The following MAS1 variants were observed in gnomAD, a reference collection of about 807,000 sequenced individuals.
MAS1 encodes the protein proto-oncogene Mas.
For missense variants in MAS1, 387 were observed against 409.7 expected (o/e 0.94, Z 0.48); for synonymous variants, 163 against 164.2 (o/e 0.99, Z 0.05).
chr6:159,890,461 C>T (rs1007165655), upstream of MAS1, among the ~76,000 whole-genome samples: 5 of 152,186 alleles, frequency 3.3e-5, no homozygotes, highest in Non-Finnish European at 5.9e-5. Flanking sequence ...GGCTTGCTTG[C>T]TTTTCATAGC....
Position 159,906,390 on chromosome 6 carries a change from C to T in MAS1, c.-36-530C>T, listed in dbSNP as rs533239491. On this transcript the variant is annotated intron_variant, in intron 2 of 2. Coordinates refer to ENST00000674077, the MANE Select transcript of MAS1 (RefSeq NM_002377.4). ...AGCAATATTGGTACAATATTAAACC[C>T]ATTGTCCCAGGCACTCCCTCTCCTT... 2.0e-5 allele frequency among the ~76,000 whole-genome samples: 3 copies of T among 152,336 alleles called. No homozygotes were observed. In the East Asian group the frequency reaches 5.8e-4, roughly 29 times the overall value.
intron 1 of MAS1, among the ~76,000 whole-genome samples, chr6:159,897,428 C>T (rs531689412): frequency 1.7e-4 from 26 of 152,250 alleles, no homozygotes; most frequent in African/African-American, 6.3e-4. Flanking sequence ...GTGATGTTAT[C>T]CCTAGGAGTA....
chr6:159,909,195 C>T lies in MAS1; in HGVS notation c.*1262C>T, dbSNP rs375757354. The T allele has an allele frequency of 6.2e-4, 94 of 152,238 alleles. No homozygotes were observed. The highest frequency in any genetic ancestry group is 2.0e-3 in the African/African-American group (85 of 41,524). 9.4% of individuals were successfully genotyped at this position (152,238 alleles called of 1,614,324 possible). On this transcript the variant is annotated 3_prime_UTR_variant, in exon 3 of 3. Transcript: ENST00000674077. ...CGTCCTGGGTTTTAGCTGTGAAGCCCGTCGCATAGCTATGTTTATTTCCTT... is the reference window on the plus strand; with the variant it reads ...CGTCCTGGGTTTTAGCTGTGAAGCCTGTCGCATAGCTATGTTTATTTCCTT...
At position 159,906,901 on chromosome 6, in the gene MAS1, G is replaced by A. The variant is rs1583214809; in HGVS notation, c.-36-19G>A. 1 of 1,508,030 alleles carries A rather than the reference G, an allele frequency of 6.6e-7. No individual in the cohort carries two copies. Among genetic ancestry groups the A allele is most frequent in the Admixed American group, 2.2e-5 (1 of 46,216 alleles). 93.4% of individuals were successfully genotyped at this position (1,508,030 alleles called of 1,614,324 possible). A position where few individuals can be genotyped will look rare whatever the true frequency, so the allele number is the denominator to read the frequency against. On this transcript the variant is annotated intron_variant, in intron 2 of 2. Transcript: ENST00000674077. ...TTTCATGGCTTTTTGTGTTTGTTTT[G>A]TTCTGGACATATTTACAGAAAATTA...
chr6:159,889,730 A>G (rs906747051), upstream of MAS1, among the ~76,000 whole-genome samples: 1 of 152,076 alleles, frequency 6.6e-6, no homozygotes, highest in African/African-American at 2.4e-5. Context: ...TTCCAACTTC[A>G]AGACCGAGTT....
chr6:159,898,955 G>A (rs1782793316), intron 1 of MAS1, among the ~76,000 whole-genome samples: 1 of 152,158 alleles, frequency 6.6e-6, no homozygotes, highest in African/African-American at 2.4e-5. Context: ...CAGACACACT[G>A]GAGCAAAGGC....
Position 159,908,041 on chromosome 6 carries a change from C to G in MAS1, c.*108C>G, listed in dbSNP as rs1466672222. On this transcript the variant is annotated 3_prime_UTR_variant, in exon 3 of 3. Transcript: ENST00000674077. The stretch of plus-strand genomic sequence containing the variant: ...CTAAATGTGATACAGAAGAACATCT[C>G]ATCCCATATGCATGAGATACTAATT... 6.4e-6 allele frequency: 8 copies of G among 1,242,904 alleles called. No homozygotes were observed. The highest frequency in any genetic ancestry group is 2.4e-4 in the Middle Eastern group (1 of 4,158). 77.0% of individuals were successfully genotyped at this position (1,242,904 alleles called of 1,614,324 possible). A position where few individuals can be genotyped will look rare whatever the true frequency, so the allele number is the denominator to read the frequency against.
intron 1 of MAS1, among the ~76,000 whole-genome samples, chr6:159,897,199 A>G (rs1782764394): frequency 6.6e-6 from 1 of 151,906 alleles, no homozygotes; most frequent in African/African-American, 2.4e-5. Flanking sequence ...TTTTAAGGAT[A>G]ATTTGGTGTG....
intron 2 of MAS1, among the ~76,000 whole-genome samples, chr6:159,904,480 A>G (rs1782859381): frequency 1.3e-5 from 2 of 152,170 alleles, no homozygotes; most frequent in Admixed American, 6.5e-5. Context: ...CACAACACGT[A>G]TCTCTTCCGT....
intron 2 of MAS1, among the ~76,000 whole-genome samples, chr6:159,904,543 C>G (rs1782861682): frequency 6.6e-6 from 1 of 152,188 alleles, no homozygotes; most frequent in Non-Finnish European, 1.5e-5. Flanking sequence ...CTGCCACAAC[C>G]TGATTTATGC....
rs1165785188 is a variant in MAS1 at position 159,917,192 on chromosome 6, A to G, written c.*9259A>G. Reference sequence around the variant, plus strand: ...TTTCCTGGTGGATTTAACTTTGCAGAAGGACCAGCAGACATCCTGACCCAA... The same window carrying G: ...TTTCCTGGTGGATTTAACTTTGCAGGAGGACCAGCAGACATCCTGACCCAA... On this transcript the variant is annotated 3_prime_UTR_variant, in exon 3 of 3. Coordinates refer to ENST00000674077, the MANE Select transcript of MAS1 (RefSeq NM_002377.4). 6.6e-6 allele frequency among the ~76,000 whole-genome samples: 1 copy of G among 152,162 alleles called. No homozygotes were observed. The highest frequency in any genetic ancestry group is 1.5e-5 in the Non-Finnish European group (1 of 68,034).
chr6:159,896,086 A>AT (rs761639323), intron 1 of MAS1, among the ~76,000 whole-genome samples: 11 of 152,258 alleles, frequency 7.2e-5, no homozygotes, highest in Non-Finnish European at 1.5e-4. Context: ...AGACAGGAGA[A>AT]TCAGTTGAGT....
rs549158090 is a variant in MAS1, at chr6:159,906,970, C to T, written c.15C>T (p.Asn5=). Residue 5 remains asparagine (N), a synonymous_variant, in exon 3 of 3, where the codon AAC becomes AAT. Coordinates refer to ENST00000674077, the MANE Select transcript of MAS1 (RefSeq NM_002377.4). MDGS[N]VTSFVVEEPT... ...GAGGCCTCCTCATGGATGGGTCAAA[C>T]GTGACATCATTTGTTGTTGAGGAAC... The T allele has an allele frequency of 1.1e-5, 18 of 1,605,668 alleles. No individual in the cohort carries two copies. The highest frequency in any genetic ancestry group is 5.5e-5 in the South Asian group (5 of 90,826).
At chr6:159,897,345 A>T (rs1458748813) in intron 1 of MAS1, among the ~76,000 whole-genome samples, 1 of 152,142 alleles carries the variant, frequency 6.6e-6, no homozygotes, top group African/African-American at 2.4e-5. Flanking sequence ...TATCTGTCTG[A>T]GTGGCACCAG....
In MAS1 at chr6:159,913,070, A is replaced by G. The variant is rs1782983209; in HGVS notation, c.*5137A>G. ...CAGCAAAAGTAACCATTAAGTAAAGACAGAAAAATTGGCTGGGTACGGTGG... is the reference window on the plus strand; with the variant it reads ...CAGCAAAAGTAACCATTAAGTAAAGGCAGAAAAATTGGCTGGGTACGGTGG... On this transcript the variant is annotated 3_prime_UTR_variant, in exon 3 of 3. Transcript: ENST00000674077. 6.6e-6 allele frequency: 1 copy of G among 152,212 alleles called. No homozygotes were observed. Among genetic ancestry groups the G allele is most frequent in the African/African-American group, 2.4e-5 (1 of 41,450 alleles). The allele number at this position is 152,212 out of a possible 1,614,324, so 9.4% of individuals were successfully genotyped here.
intron 2 of MAS1, among the ~76,000 whole-genome samples, chr6:159,902,901 C>T (rs756193046): frequency 7.9e-5 from 12 of 152,180 alleles, no homozygotes; most frequent in Non-Finnish European, 1.6e-4. Flanking sequence ...CACTATTTCT[C>T]AGCGATTTCA....
At chr6:159,898,643 C>T (rs1562309967) in intron 1 of MAS1, among the ~76,000 whole-genome samples, 1 of 5,072 alleles carries the variant, frequency 2.0e-4, no homozygotes, top group Non-Finnish European at 4.0e-4. Context: ...CTTCCTCCTC[C>T]CTCTTCCTCC....
chr6:159,905,542 C>A (rs1339722479), intron 2 of MAS1, among the ~76,000 whole-genome samples: 1 of 152,154 alleles, frequency 6.6e-6, no homozygotes, highest in Non-Finnish European at 1.5e-5. Flanking sequence ...TTCACCAACC[C>A]AAAGGCTACC....
chr6:159,897,121 G>A (rs554401604), intron 1 of MAS1, among the ~76,000 whole-genome samples: 14 of 152,216 alleles, frequency 9.2e-5, no homozygotes, highest in South Asian at 4.1e-4. Context: ...TGATCCGCCC[G>A]CCTCGGCCTC....
Sources: allele counts gnomAD v4.1 joint callset (sites outside exome capture counted in the v4.1 genomes callset), GRCh38; gene constraint gnomAD v4.1.1; transcripts MANE v1.5; gene names NCBI Gene and HGNC (gene_info 2026-07-23, HGNC 2026-07-21).